Variants in CADM2 observed in about 807,000 individuals in gnomAD.
The protein encoded by CADM2 is immunoglobulin superfamily member 4D.
A neutral mutation model predicts 49.8 loss-of-function variants in CADM2; 12 were observed. The observed-to-expected ratio is 0.24, with a 90% CI of 0.15 to 0.39. The LOEUF is 0.39. CADM2 is among the 10% of genes least tolerant of loss of function. The probability of loss-of-function intolerance (pLI) is 1.00; values close to 1 mark genes in which losing one functional copy is unlikely to be tolerated. For synonymous variants in CADM2, 214 were observed against 175.4 expected, an observed-to-expected ratio of 1.22 and a Z score of -1.74; for missense variants, 378 against 492.3, an observed-to-expected ratio of 0.77 and a Z score of 2.20.
intron 1 of CADM2, among the ~76,000 whole-genome samples, chr3:85,505,022 C>T (rs1199875293): frequency 6.6e-6 from 1 of 152,132 alleles, no homozygotes; most frequent in African/African-American, 2.4e-5. Context: ...GGCCCGGAAG[C>T]GCCGCGCGCA....
chr3:85,739,447 A>G (rs1383515014), intron 2 of CADM2, among the ~76,000 whole-genome samples: 3 of 152,104 alleles, frequency 2.0e-5, no homozygotes, highest in Non-Finnish European at 2.9e-5. Context: ...TTAAAATTAT[A>G]TAACTGCCTT....
At chr3:85,779,676 G>A (rs1360044329) in intron 2 of CADM2, among the ~76,000 whole-genome samples, 3 of 152,094 alleles carry the variant, frequency 2.0e-5, no homozygotes, top group Non-Finnish European at 2.9e-5. Flanking sequence ...GGGGATTATG[G>A]GAACTACAAT....
intron 1 of CADM2, among the ~76,000 whole-genome samples, chr3:85,088,886 G>T (rs1233547174): frequency 1.3e-5 from 2 of 151,980 alleles, no homozygotes; most frequent in African/African-American, 4.8e-5. Flanking sequence ...GCTCTCAGCT[G>T]ACCTTAAATG....
At chr3:85,888,494 T>C (rs1414368810) in intron 5 of CADM2, among the ~76,000 whole-genome samples, 6 of 152,204 alleles carry the variant, frequency 3.9e-5, no homozygotes, top group Non-Finnish European at 7.3e-5. Context: ...AATCAGAATA[T>C]GGTTCTATGC....
intron 1 of CADM2, among the ~76,000 whole-genome samples, chr3:85,161,969 A>T (rs2107669166): frequency 6.6e-6 from 1 of 152,188 alleles, no homozygotes; most frequent in South Asian, 2.1e-4. Context: ...AGATCACATG[A>T]CTACACTCCA....
At chr3:85,306,945 T>C (rs2044226583) in intron 1 of CADM2, among the ~76,000 whole-genome samples, 1 of 151,638 alleles carries the variant, frequency 6.6e-6, no homozygotes. Flanking sequence ...ATGGCCTTTT[T>C]CAGTCAGTAT....
chr3:85,620,312 A>C (rs543887136), intron 1 of CADM2, among the ~76,000 whole-genome samples: 1 of 152,228 alleles, frequency 6.6e-6, no homozygotes, highest in Non-Finnish European at 1.5e-5. Context: ...GTGCATTATA[A>C]AATTTAGTAT....
At chr3:85,509,111 A>G (rs1035765022) in intron 1 of CADM2, among the ~76,000 whole-genome samples, 3 of 152,144 alleles carry the variant, frequency 2.0e-5, no homozygotes, top group Non-Finnish European at 4.4e-5. Context: ...TTCAAGAGCT[A>G]TGGGACGCTA....
intron 1 of CADM2, among the ~76,000 whole-genome samples, chr3:85,454,410 C>A (rs1383060632): frequency 1.3e-5 from 2 of 151,868 alleles, no homozygotes; most frequent in Non-Finnish European, 2.9e-5. Context: ...GCAAGCAGAC[C>A]ACAAACTCAA....
intron 1 of CADM2, among the ~76,000 whole-genome samples, chr3:85,618,262 T>A (rs2063856324): frequency 6.6e-6 from 1 of 152,056 alleles, no homozygotes; most frequent in African/African-American, 2.4e-5. Flanking sequence ...CAGAGGTACC[T>A]TTTTTCCCCA....
At chr3:85,475,164 G>A (rs984993222) in intron 1 of CADM2, among the ~76,000 whole-genome samples, 3 of 151,898 alleles carry the variant, frequency 2.0e-5, no homozygotes, top group African/African-American at 7.2e-5. Context: ...CAAATGTTCA[G>A]ATTATTTTTA....
At chr3:85,900,873 T>A (rs1377642104) in intron 5 of CADM2, among the ~76,000 whole-genome samples, 1 of 152,234 alleles carries the variant, frequency 6.6e-6, no homozygotes, top group African/African-American at 2.4e-5. Context: ...GAATTTTTCA[T>A]GGAAATTCAC....
At chr3:85,036,879 C>T (rs982564009) in intron 1 of CADM2, among the ~76,000 whole-genome samples, 3 of 151,500 alleles carry the variant, frequency 2.0e-5, no homozygotes, top group African/African-American at 7.3e-5. Context: ...TGGCCAGACG[C>T]TGTGGCTCAT....
chr3:85,675,252 A>G (rs1409268187), intron 1 of CADM2, among the ~76,000 whole-genome samples: 1 of 152,134 alleles, frequency 6.6e-6, no homozygotes. Context: ...TTCCATTTTT[A>G]AGGTTATATT....
At chr3:85,485,002 A>G (rs1439251350) in intron 1 of CADM2, among the ~76,000 whole-genome samples, 2 of 151,994 alleles carry the variant, frequency 1.3e-5, no homozygotes, top group African/African-American at 4.8e-5. Context: ...AAACAGTGAC[A>G]CTTAAAGAAT....
chr3:85,705,519 T>C (rs2066917430), intron 1 of CADM2, among the ~76,000 whole-genome samples: 1 of 152,192 alleles, frequency 6.6e-6, no homozygotes, highest in Non-Finnish European at 1.5e-5. Context: ...TAGACAATTT[T>C]AATAAAAGTA....
Position 85,010,083 on chromosome 3 carries a change from C to T in CADM2, c.61+50415C>T, listed in dbSNP as rs951236851. ...TAATCATATTCATGAATAGAGAATA[C>T]CCCAATAAAGATTTTGAAGGAAATA... On this transcript the variant is annotated intron_variant, in intron 1 of 9. Coordinates refer to ENST00000383699, the MANE Select transcript of CADM2 (RefSeq NM_001167675.2). Among the ~76,000 whole-genome samples the T allele has an allele frequency of 2.6e-5, 4 of 151,668 alleles. No homozygotes were observed. The South Asian group carries it at 6.2e-4, about 24-fold the overall frequency.
At chr3:86,022,080 A>AAT (rs1352321716) in intron 8 of CADM2, among the ~76,000 whole-genome samples, 1 of 152,176 alleles carries the variant, frequency 6.6e-6, no homozygotes, top group Non-Finnish European at 1.5e-5. Context: ...TGCACCTTAT[A>AAT]ATATCATGTT....
chr3:86,039,275 C>T (rs1477996459), intron 8 of CADM2, among the ~76,000 whole-genome samples: 1 of 152,134 alleles, frequency 6.6e-6, no homozygotes, highest in Admixed American at 6.5e-5. Flanking sequence ...GAGGCATTGC[C>T]TCACCTGGGA....
Sources: allele counts gnomAD v4.1 joint callset (sites outside exome capture counted in the v4.1 genomes callset), GRCh38; gene constraint gnomAD v4.1.1; transcripts MANE v1.5; gene names NCBI Gene and HGNC (gene_info 2026-07-23, HGNC 2026-07-21).